The following CSAD variants were observed in gnomAD, a reference collection of about 807,000 sequenced individuals.
CSAD encodes the protein cysteine sulfinic acid decarboxylase, also known as P-selectin cytoplasmic tail-associated protein.
A neutral mutation model predicts 61.5 loss-of-function variants in CSAD; 47 were observed. The ratio of observed to expected loss-of-function variants is 0.76; its 90% CI spans 0.60 to 0.97. CSAD has a LOEUF of 0.97. CSAD is among the 50% of genes least tolerant of loss of function. CSAD has a pLI of 0.00. For missense variants in CSAD, 611 were observed against 643.6 expected (o/e 0.95, Z 0.55); for synonymous variants, 245 against 252.7 (o/e 0.97, Z 0.29).
intron 14 of CSAD, 25 bp from the exon 15 acceptor site, chr12:53,159,963 T>C (rs371029918): frequency 5.8e-4 from 932 of 1,603,836 alleles, no homozygotes; most frequent in Non-Finnish European, 7.3e-4. Flanking sequence ...TGAGAAACCA[T>C]AGGCGGGGAG....
chr12:53,180,200 G>A (rs1042925589), intron 1 of CSAD: 4 of 985,244 alleles, frequency 4.1e-6, no homozygotes, highest in South Asian at 4.7e-5. Context: ...AAAAGTTAAC[G>A]CCTCTCCCAG....
At chr12:53,177,238 A>G (rs1307799163) in intron 2 of CSAD, among the ~76,000 whole-genome samples, 1 of 152,204 alleles carries the variant, frequency 6.6e-6, no homozygotes, top group Non-Finnish European at 1.5e-5. Flanking sequence ...GGTGGCCAGG[A>G]GCTCTCCTAA....
intron 2 of CSAD, among the ~76,000 whole-genome samples, chr12:53,174,322 GA>G (rs1188795533): frequency 1.4e-5 from 2 of 144,716 alleles, no homozygotes; most frequent in Admixed American, 6.8e-5. Flanking sequence ...AAAAAAAAAA[GA>G]AAAAAAGAAA....
chr12:53,160,903 C>T (rs1939203368), intron 12 of CSAD, 59 bp from the exon 13 acceptor site: 2 of 1,462,518 alleles, frequency 1.4e-6, no homozygotes, highest in Non-Finnish European at 9.4e-7. Flanking sequence ...CCAACCAGAG[C>T]CCTTCCTCCT....
At chr12:53,163,924 C>T (rs1167887099) in intron 10 of CSAD, among the ~76,000 whole-genome samples, 2 of 152,176 alleles carry the variant, frequency 1.3e-5, no homozygotes, top group Non-Finnish European at 2.9e-5. Flanking sequence ...ATCAGTGGAA[C>T]AGAACTGAGA....
Position 53,169,929 on chromosome 12 carries a change from C to T in CSAD, c.702+143G>A. On this transcript the variant is annotated intron_variant, in intron 10 of 16. Transcript: ENST00000444623. Reference sequence around the variant, plus strand: ...GAAAGCAATGTAGTGTCCTCACCCCCAGGCTCTCCATGGTCACTTCAGCCC... The same window carrying T: ...GAAAGCAATGTAGTGTCCTCACCCCTAGGCTCTCCATGGTCACTTCAGCCC... 12 of 719,006 alleles carry T rather than the reference C, an allele frequency of 1.7e-5. No individual in the cohort carries two copies. In the South Asian group the frequency reaches 1.8e-4, roughly 11 times the overall value. The allele number at this position is 719,006 out of a possible 1,614,324, so 44.5% of individuals were successfully genotyped here.
intron 2 of CSAD, among the ~76,000 whole-genome samples, chr12:53,174,457 T>C (rs565657071): frequency 1.5e-4 from 23 of 152,328 alleles, no homozygotes; most frequent in African/African-American, 5.3e-4. Flanking sequence ...TATACAATCA[T>C]TTCACATTGC....
chr12:53,167,242 A>C (rs951847429), intron 10 of CSAD, among the ~76,000 whole-genome samples: 53 of 152,188 alleles, frequency 3.5e-4, no homozygotes, highest in African/African-American at 1.1e-3. Flanking sequence ...CAGTCCAGGC[A>C]AAGGGGGGAA....
Position 53,160,176 on chromosome 12 carries a change from C to G in CSAD, c.1110G>C (p.Lys370Asn). The change falls in exon 14 of 17, where the codon AAG becomes AAC. Residue 370 changes from lysine to asparagine, a missense_variant. Lys to Asn is a moderately conservative substitution (Grantham distance 94). Coordinates refer to ENST00000444623, the MANE Select transcript of CSAD (RefSeq NM_001244705.2). ...VDCLKLWLMW[K>N]AQGDQGLERR... is the part of the protein sequence containing the mutation. ...GCTCCAGCCCTTGATCGCCCTGTGC[C>G]TTCCACATGAGCCACAGCTTCAGAC... The G allele has an allele frequency of 6.2e-7, 1 of 1,614,120 alleles. No individual in the cohort carries two copies. Among genetic ancestry groups the G allele is most frequent in the Non-Finnish European group, 8.5e-7 (1 of 1,180,044 alleles).
chr12:53,158,458 G>GT lies in CSAD; in HGVS notation c.*52dup. 6.4e-7 allele frequency: 1 copy of GT among 1,570,528 alleles called. No homozygotes were observed. Among genetic ancestry groups the GT allele is most frequent in the Non-Finnish European group, 8.7e-7 (1 of 1,149,466 alleles). On this transcript the variant is annotated 3_prime_UTR_variant, in exon 17 of 17. Transcript: ENST00000444623. ...GCCTCAAAGGCTGGGAGGGAATGCA[G>GT]TGACTCTGCGGGTGAGGGGTGGTAT...
intron 2 of CSAD, among the ~76,000 whole-genome samples, chr12:53,175,483 C>A (rs1404823765): frequency 6.6e-6 from 1 of 152,136 alleles, no homozygotes; most frequent in African/African-American, 2.4e-5. Flanking sequence ...TGGCTCCACA[C>A]CCACATTAAT....
At chr12:53,170,289 G>A (rs1940406415) in intron 9 of CSAD, 134 bp downstream of exon 9, 1 of 987,386 alleles carries the variant, frequency 1.0e-6, no homozygotes, top group Middle Eastern at 2.1e-4. Context: ...TGGTAGACAG[G>A]AACAGCAATT....
At chr12:53,167,548 A>G (rs1157512930) in intron 10 of CSAD, among the ~76,000 whole-genome samples, 1 of 152,238 alleles carries the variant, frequency 6.6e-6, no homozygotes, top group Non-Finnish European at 1.5e-5. Context: ...TAAAAATTCT[A>G]TGAAAAACAA....
rs1938767231 is a variant in CSAD, at chr12:53,158,161, C to G, written c.*350G>C. 1.2e-5 allele frequency: 2 copies of G among 162,758 alleles called. No individual in the cohort carries two copies. The highest frequency in any genetic ancestry group is 4.8e-5 in the African/African-American group (2 of 41,688). 10.1% of individuals were successfully genotyped at this position (162,758 alleles called of 1,614,324 possible). A position where few individuals can be genotyped will look rare whatever the true frequency, so the allele number is the denominator to read the frequency against. On this transcript the variant is annotated 3_prime_UTR_variant, in exon 17 of 17. Coordinates refer to ENST00000444623, the MANE Select transcript of CSAD (RefSeq NM_001244705.2). ...CTGTTCTTTTTTATTTTTTTTGGAACAGAGTCTCGTACTGTTGCCCAGCCT... is the reference window on the plus strand; with the variant it reads ...CTGTTCTTTTTTATTTTTTTTGGAAGAGAGTCTCGTACTGTTGCCCAGCCT...
chr12:53,172,482 C>T, intron 5 of CSAD, 40 bp downstream of exon 5: 1 of 1,614,124 alleles, frequency 6.2e-7, no homozygotes, highest in African/African-American at 1.3e-5. Flanking sequence ...GAGCTCAGGG[C>T]AAACTCCCAA....
chr12:53,164,399 C>A, intron 10 of CSAD: 1 of 233,346 alleles, frequency 4.3e-6, no homozygotes, highest in Non-Finnish European at 9.6e-6. Context: ...TATTATGCAG[C>A]CATAAAAAAG....
At chr12:53,175,256 G>A (rs536736269) in intron 2 of CSAD, among the ~76,000 whole-genome samples, 34 of 152,322 alleles carry the variant, frequency 2.2e-4, no homozygotes, top group African/African-American at 7.7e-4. Context: ...GCAATAGAGA[G>A]CTGGTGCAGG....
Position 53,180,194 on chromosome 12 carries a change from G to C in CSAD, c.-91+538C>G, listed in dbSNP as rs1009789038. 3 of 985,412 alleles carry C rather than the reference G, an allele frequency of 3.0e-6. No individual in the cohort carries two copies. The African/African-American group carries it at 5.2e-5, about 17-fold the overall frequency. 61.0% of individuals were successfully genotyped at this position (985,412 alleles called of 1,614,324 possible). ...ACAAAGCAAGAGTGTGCGAAGAAAA[G>C]TTAACGCCTCTCCCAGCTGACCCCA... On this transcript the variant is annotated intron_variant, in intron 1 of 16. Coordinates refer to ENST00000444623, the MANE Select transcript of CSAD (RefSeq NM_001244705.2).
intron 10 of CSAD, among the ~76,000 whole-genome samples, chr12:53,169,162 A>G (rs1592333469): frequency 6.7e-6 from 1 of 150,232 alleles, no homozygotes; most frequent in Admixed American, 6.6e-5. Flanking sequence ...CCTGGGTGAC[A>G]CAACGAGACT....
Sources: allele counts gnomAD v4.1 joint callset (sites outside exome capture counted in the v4.1 genomes callset), GRCh38; gene constraint gnomAD v4.1.1; transcripts MANE v1.5; gene names NCBI Gene and HGNC (gene_info 2026-07-23, HGNC 2026-07-21).